SENP5: variants seen among roughly 807,000 people sequenced by gnomAD.
The protein encoded by SENP5 is sentrin-specific protease 5.
SENP5 carries 21 observed loss-of-function variants against 74.2 expected under a neutral mutation model. The observed-to-expected ratio is 0.28, with a 90% CI of 0.20 to 0.41. The LOEUF (loss-of-function observed/expected upper bound fraction) is 0.41. SENP5 is among the 10% of genes least tolerant of loss of function. The probability of loss-of-function intolerance (pLI) is 1.00; values close to 1 mark genes in which losing one functional copy is unlikely to be tolerated. For missense variants in SENP5, 717 were observed against 889.1 expected (o/e 0.81, Z 2.46); for synonymous variants, 311 against 312.7 (o/e 0.99, Z 0.06).
chr3:196,898,940 G>C (rs1229451313), intron 2 of SENP5, among the ~76,000 whole-genome samples: 2 of 151,974 alleles, frequency 1.3e-5, no homozygotes, highest in East Asian at 1.9e-4. Context: ...TTAGCCGGGC[G>C]TGGTGGCAGG....
chr3:196,924,713 TTGCATATCAGTTCCA>T (rs1441683050), intron 7 of SENP5, among the ~76,000 whole-genome samples: 1 of 152,236 alleles, frequency 6.6e-6, no homozygotes, highest in Non-Finnish European at 1.5e-5. Flanking sequence ...ACAAATTCTG[TTGCATATCAGTTCCA>T]TTTCTTGTTA....
chr3:196,880,940 C>G (rs1041483947), intron 1 of SENP5, among the ~76,000 whole-genome samples: 2 of 145,568 alleles, frequency 1.4e-5, no homozygotes, highest in Non-Finnish European at 3.0e-5. Context: ...CGCGCCTGGC[C>G]CTTTTCCTTT....
chr3:196,891,551 A>T (rs1714199893), intron 2 of SENP5, among the ~76,000 whole-genome samples: 1 of 152,188 alleles, frequency 6.6e-6, no homozygotes, highest in African/African-American at 2.4e-5. Flanking sequence ...GGATCGCTTG[A>T]GGGCAGGAGT....
At chr3:196,881,109 G>A (rs1388372603) in intron 1 of SENP5, among the ~76,000 whole-genome samples, 1 of 151,714 alleles carries the variant, frequency 6.6e-6, no homozygotes, top group Non-Finnish European at 1.5e-5. Context: ...ACCACACTTG[G>A]CTAATTTTTA....
chr3:196,928,348 A>G (rs1715893189), intron 8 of SENP5, among the ~76,000 whole-genome samples: 1 of 152,228 alleles, frequency 6.6e-6, no homozygotes, highest in Non-Finnish European at 1.5e-5. Context: ...TGCTTGGCCC[A>G]TGACATTCAA....
intron 7 of SENP5, among the ~76,000 whole-genome samples, chr3:196,927,433 G>GTATGCA (rs1715854800): frequency 6.6e-6 from 1 of 152,102 alleles, no homozygotes; most frequent in African/African-American, 2.4e-5. Context: ...AATACAGAAG[G>GTATGCA]TCTGACTCCC....
chr3:196,889,760 G>A (rs775378690), intron 2 of SENP5, among the ~76,000 whole-genome samples: 1 of 152,210 alleles, frequency 6.6e-6, no homozygotes, highest in Admixed American at 6.5e-5. Context: ...CTGAGAATCA[G>A]CTCCCACTGG....
chr3:196,903,131 T>C (rs1714764930), intron 5 of SENP5, among the ~76,000 whole-genome samples: 3 of 150,760 alleles, frequency 2.0e-5, no homozygotes, highest in Admixed American at 2.0e-4. Flanking sequence ...TATATTTTGA[T>C]CATTATTATC....
In SENP5 at chr3:196,934,657, G is replaced by C. The variant is rs1716178040; in HGVS notation, c.*3734G>C. The C allele has an allele frequency of 6.6e-6, 1 of 152,198 alleles. No individual in the cohort carries two copies. The highest frequency in any genetic ancestry group is 1.5e-5 in the Non-Finnish European group (1 of 68,032). 9.4% of individuals were successfully genotyped at this position (152,198 alleles called of 1,614,324 possible). On this transcript the variant is annotated 3_prime_UTR_variant, in exon 10 of 10. Transcript: ENST00000323460. ...GAGATTATGATCATGTAAAATTACAGTACTCAACCCTTCTAGCAAAGTATT... is the reference window on the plus strand; with the variant it reads ...GAGATTATGATCATGTAAAATTACACTACTCAACCCTTCTAGCAAAGTATT...
chr3:196,898,178 TA>T (rs59960385), intron 2 of SENP5, among the ~76,000 whole-genome samples: 4 of 143,360 alleles, frequency 2.8e-5, no homozygotes, highest in Non-Finnish European at 6.0e-5. Flanking sequence ...GGCTTTGTCT[TA>T]AAAAAAAAGA....
At chr3:196,927,938 T>C in intron 8 of SENP5, 59 bp downstream of exon 8, 1 of 1,129,504 alleles carries the variant, frequency 8.9e-7, no homozygotes, top group Non-Finnish European at 1.3e-6. Context: ...TATCTAAGGG[T>C]GGGTGCCTTT....
Position 196,933,100 on chromosome 3 carries a change from C to G in SENP5, c.*2177C>G, listed in dbSNP as rs1363501522. ...GCGCAATCTTGCCTCACTGCAACCT[C>G]CACCTCCCAGGTTCAAGCGATTCTC... On this transcript the variant is annotated 3_prime_UTR_variant, in exon 10 of 10. Coordinates refer to ENST00000323460, the MANE Select transcript of SENP5 (RefSeq NM_152699.5). 1 of 146,636 alleles carries G rather than the reference C, an allele frequency of 6.8e-6. No homozygotes were observed. The highest frequency in any genetic ancestry group is 1.5e-5 in the Non-Finnish European group (1 of 67,434). The allele number at this position is 146,636 out of a possible 1,614,324, so 9.1% of individuals were successfully genotyped here.
chr3:196,875,640 GA>G (rs1391299106), intron 1 of SENP5, among the ~76,000 whole-genome samples: 4 of 152,104 alleles, frequency 2.6e-5, no homozygotes, highest in Non-Finnish European at 5.9e-5. Flanking sequence ...TTTCTTCAGA[GA>G]AAAAATAATT....
rs1298285152 is a variant in SENP5 at position 196,932,442 on chromosome 3, C to G, written c.*1519C>G. On this transcript the variant is annotated 3_prime_UTR_variant, in exon 10 of 10. Transcript: ENST00000323460. ...GATTGAGTCCGACCATGTTTACATG[C>G]AGGGTTCCCAACACCAGTGGTGACA... 6.6e-6 allele frequency: 1 copy of G among 152,318 alleles called. No individual in the cohort carries two copies. Among genetic ancestry groups the G allele is most frequent in the Admixed American group, 6.5e-5 (1 of 15,278 alleles). 9.4% of individuals were successfully genotyped at this position (152,318 alleles called of 1,614,324 possible).
intron 1 of SENP5, among the ~76,000 whole-genome samples, chr3:196,880,469 C>A (rs1176414643): frequency 6.6e-6 from 1 of 152,104 alleles, no homozygotes; most frequent in Non-Finnish European, 1.5e-5. Context: ...CACCTTATTC[C>A]AATTTTGTCA....
intron 6 of SENP5, among the ~76,000 whole-genome samples, chr3:196,907,239 C>T (rs757405847): frequency 2.6e-5 from 4 of 151,902 alleles, no homozygotes; most frequent in Admixed American, 6.6e-5. Flanking sequence ...TTTGAGGGGC[C>T]GAGGCAGGCG....
At chr3:196,895,487 T>C (rs1714405541) in intron 2 of SENP5, among the ~76,000 whole-genome samples, 1 of 141,606 alleles carries the variant, frequency 7.1e-6, no homozygotes, top group Non-Finnish European at 1.6e-5. Flanking sequence ...CGCCCGGCCT[T>C]ACTTTAACTT....
At chr3:196,873,874 T>TA (rs1432383628) in intron 1 of SENP5, among the ~76,000 whole-genome samples, 3 of 152,062 alleles carry the variant, frequency 2.0e-5, no homozygotes, top group Non-Finnish European at 2.9e-5. Flanking sequence ...AATTTAATTT[T>TA]AATTAGTTAT....
chr3:196,905,705 ATTTAG>A (rs879862869), intron 6 of SENP5, among the ~76,000 whole-genome samples: 1 of 152,116 alleles, frequency 6.6e-6, no homozygotes, highest in Non-Finnish European at 1.5e-5. Context: ...ACCTCCACAT[ATTTAG>A]TATCCAGAAG....
Sources: allele counts gnomAD v4.1 joint callset (sites outside exome capture counted in the v4.1 genomes callset), GRCh38; gene constraint gnomAD v4.1.1; transcripts MANE v1.5; gene names NCBI Gene and HGNC (gene_info 2026-07-23, HGNC 2026-07-21).